Variants in SPECC1L observed in about 807,000 individuals in gnomAD.
The protein encoded by SPECC1L is sperm antigen with calponin homology and coiled-coil domains 1 like.
In SPECC1L, 40 loss-of-function variants were observed where a neutral mutation model predicts 116.8. The ratio of observed to expected loss-of-function variants is 0.34; its 90% CI spans 0.27 to 0.45. The LOEUF is 0.45. Among genes scored for constraint, SPECC1L ranks in the 20% least tolerant of loss-of-function variants. The probability of loss-of-function intolerance (pLI) is 1.00; values close to 1 mark genes in which losing one functional copy is unlikely to be tolerated. For missense variants in SPECC1L, 1,110 were observed against 1,373.6 expected, an observed-to-expected ratio of 0.81 and a Z score of 3.03; for synonymous variants, 504 against 500.6, an observed-to-expected ratio of 1.01 and a Z score of -0.09.
intron 2 of SPECC1L, among the ~76,000 whole-genome samples, chr22:24,296,889 T>C (rs2049275748): frequency 6.6e-6 from 1 of 152,178 alleles, no homozygotes; most frequent in Admixed American, 6.5e-5. Flanking sequence ...CAAGGCTTAG[T>C]GTGGTGACAG....
intron 2 of SPECC1L, among the ~76,000 whole-genome samples, chr22:24,282,860 C>T (rs1008805848): frequency 6.6e-6 from 1 of 151,666 alleles, no homozygotes; most frequent in African/African-American, 2.4e-5. Context: ...TTACTGCAAC[C>T]TCTGCCTCCT....
At chr22:24,333,274 AGAGCCTGTG>A (rs2040976246) in intron 8 of SPECC1L, among the ~76,000 whole-genome samples, 1 of 152,166 alleles carries the variant, frequency 6.6e-6, no homozygotes, top group South Asian at 2.1e-4. Flanking sequence ...AATGACCTTA[AGAGCCTGTG>A]GTACATCTTG....
intron 3 of SPECC1L, among the ~76,000 whole-genome samples, chr22:24,303,993 T>C (rs1308602841): frequency 6.6e-6 from 1 of 151,216 alleles, no homozygotes; most frequent in Non-Finnish European, 1.5e-5. Flanking sequence ...TAAATGGAGA[T>C]TAAAGTAAAA....
chr22:24,330,219 T>A (rs752460434), intron 7 of SPECC1L, 37 bp from the exon 8 acceptor site: 3 of 1,605,834 alleles, frequency 1.9e-6, no homozygotes, highest in Non-Finnish European at 2.6e-6. Flanking sequence ...TCTTGATTGC[T>A]CTCTTTTGGA....
chr22:24,355,446 C>CTGTCTGTCTGT (rs1180472896), intron 11 of SPECC1L, among the ~76,000 whole-genome samples: 29 of 147,224 alleles, frequency 2.0e-4, no homozygotes, highest in African/African-American at 7.6e-4. Context: ...TGTCTGTCTA[C>CTGTCTGTCTGT]CTACCTATCC....
chr22:24,302,491 G>C, intron 3 of SPECC1L, 107 bp downstream of exon 3: 3 of 1,433,052 alleles, frequency 2.1e-6, no homozygotes, highest in Non-Finnish European at 2.9e-6. Context: ...CTCTTCTGGT[G>C]CTGGGAACAC....
At position 24,412,633 on chromosome 22, in the gene SPECC1L, C is replaced by T. The variant is rs1304596611; in HGVS notation, c.3205-15C>T. 1 of 1,613,876 alleles carries T rather than the reference C, an allele frequency of 6.2e-7. No homozygotes were observed. The highest frequency in any genetic ancestry group is 2.2e-5 in the East Asian group (1 of 44,902). On this transcript the variant is annotated splice_polypyrimidine_tract_variant and intron_variant, in intron 15 of 16. Coordinates refer to ENST00000314328, the MANE Select transcript of SPECC1L (RefSeq NM_015330.6). ...GCCTTGTTCATGCACTGCAGTGACA[C>T]AGTTTCTTTTACAGAGAAGGAACTT...
intron 14 of SPECC1L, among the ~76,000 whole-genome samples, chr22:24,374,243 A>G (rs2146667449): frequency 6.6e-6 from 1 of 152,054 alleles, no homozygotes; most frequent in Middle Eastern, 3.4e-3. Context: ...AACTAGAAAT[A>G]CCATTTGACC....
At chr22:24,302,093 CT>C in intron 2 of SPECC1L, 101 bp from the exon 3 acceptor site, 1 of 936,668 alleles carries the variant, frequency 1.1e-6, no homozygotes, top group Non-Finnish European at 1.7e-6. Flanking sequence ...TGACATCTAG[CT>C]TTCAAACAGT....
intron 11 of SPECC1L, among the ~76,000 whole-genome samples, chr22:24,360,461 C>CTG (rs1363654165): frequency 6.6e-6 from 1 of 152,162 alleles, no homozygotes; most frequent in African/African-American, 2.4e-5. Context: ...CAGGGACAGT[C>CTG]TGTCAGATTG....
intron 2 of SPECC1L, among the ~76,000 whole-genome samples, chr22:24,300,824 C>G (rs74916927): frequency 1.3e-5 from 2 of 152,162 alleles, no homozygotes; most frequent in Non-Finnish European, 2.9e-5. Flanking sequence ...ACACCTACAA[C>G]CAGCTGATCT....
rs1404041050 is a variant in SPECC1L, at chr22:24,401,871, C to T, written c.3088-9717C>T. On this transcript the variant is annotated intron_variant, in intron 14 of 16. Coordinates refer to ENST00000314328, the MANE Select transcript of SPECC1L (RefSeq NM_015330.6). Reference sequence around the variant, plus strand: ...GGGGTGGGGCAAGCGTAGGAAAACCCGAAAAATCTTTGCAGTGATTCTAGC... The same window carrying T: ...GGGGTGGGGCAAGCGTAGGAAAACCTGAAAAATCTTTGCAGTGATTCTAGC... 3.3e-5 allele frequency among the ~76,000 whole-genome samples: 5 copies of T among 152,092 alleles called. 1 individual carries two copies. In the South Asian group the frequency reaches 1.0e-3, roughly 32 times the overall value.
intron 13 of SPECC1L, among the ~76,000 whole-genome samples, chr22:24,369,008 A>G (rs1372188829): frequency 1.3e-5 from 2 of 152,214 alleles, no homozygotes; most frequent in Non-Finnish European, 2.9e-5. Context: ...TGATTTTTAT[A>G]GAGTCCCTTT....
At chr22:24,293,474 GA>G (rs900083398) in intron 2 of SPECC1L, among the ~76,000 whole-genome samples, 6 of 136,654 alleles carry the variant, frequency 4.4e-5, no homozygotes, top group East Asian at 3.9e-4. Flanking sequence ...TAAAAGGGGG[GA>G]AAAAGAGAAC....
At chr22:24,343,457 TTTTG>T (rs1337666117) in intron 10 of SPECC1L, 7 of 447,710 alleles carry the variant, frequency 1.6e-5, no homozygotes, top group Admixed American at 4.8e-5. Context: ...TGTGTTTTTT[TTTTG>T]TTTTGTTTTG....
At chr22:24,314,427 T>TTCCTTAAATCATTCCTTA (rs2040521028) in intron 4 of SPECC1L, among the ~76,000 whole-genome samples, 1 of 152,270 alleles carries the variant, frequency 6.6e-6, no homozygotes, top group Non-Finnish European at 1.5e-5. Flanking sequence ...CCTTAAATCA[T>TTCCTTAAATCATTCCTTA]AACTTATTCA....
intron 14 of SPECC1L, among the ~76,000 whole-genome samples, chr22:24,370,088 C>A (rs1330408890): frequency 6.6e-6 from 1 of 152,210 alleles, no homozygotes; most frequent in African/African-American, 2.4e-5. Flanking sequence ...TAGACTTCAT[C>A]TCACCAAAAT....
intron 11 of SPECC1L, among the ~76,000 whole-genome samples, chr22:24,352,127 T>G (rs986139724): frequency 6.6e-6 from 1 of 152,228 alleles, no homozygotes; most frequent in Non-Finnish European, 1.5e-5. Context: ...AATGCTCTTT[T>G]GTTGGTATTA....
chr22:24,390,367 C>T (rs544073839), intron 14 of SPECC1L, among the ~76,000 whole-genome samples: 49 of 152,036 alleles, frequency 3.2e-4, no homozygotes, highest in Non-Finnish European at 6.5e-4. Flanking sequence ...TCCTCATAGT[C>T]CAAGCAGAGC....
Sources: gnomAD v4.1 joint callset for allele counts (sites outside exome capture counted in the v4.1 genomes callset) on GRCh38, gnomAD v4.1.1 for gene constraint, MANE v1.5 for transcripts, NCBI Gene and HGNC (gene_info 2026-07-23, HGNC 2026-07-21) for gene names.